LY96: variants seen among roughly 807,000 people sequenced by gnomAD.
The protein encoded by LY96 is myeloid differentiation protein-2.
A neutral mutation model predicts 18.9 loss-of-function variants in LY96; 18 were observed. The ratio of observed to expected loss-of-function variants is 0.95; its 90% CI spans 0.66 to 1.41. LY96 has a LOEUF of 1.41. Ranked by LOEUF, LY96 falls within the 40% of genes most tolerant of loss-of-function variation. The pLI is 0.00. For synonymous variants in LY96, 66 were observed against 62.6 expected (o/e 1.06, Z -0.26); for missense variants, 175 against 182.4 (o/e 0.96, Z 0.23).
At chr8:73,991,890 C>G (rs1360607551) in intron 1 of LY96, among the ~76,000 whole-genome samples, 1 of 151,874 alleles carries the variant, frequency 6.6e-6, no homozygotes. Flanking sequence ...AGCCTTGACA[C>G]TTACTAGTTC....
chr8:74,007,979 C>T (rs1438815353), intron 2 of LY96, among the ~76,000 whole-genome samples: 4 of 152,168 alleles, frequency 2.6e-5, no homozygotes, highest in African/African-American at 7.2e-5. Context: ...AGGATGGTCT[C>T]GAACTCCTGA....
chr8:74,001,412 G>A (rs148462447), intron 1 of LY96, among the ~76,000 whole-genome samples: 1,950 of 151,862 alleles, frequency 0.013, 22 homozygotes, highest in African/African-American at 0.039. Context: ...TATTTTTTGC[G>A]GAGATGGGGT....
chr8:74,088,585 GTATT>G, the LY96 span, among the ~76,000 whole-genome samples: 1 of 151,902 alleles, frequency 6.6e-6, no homozygotes, highest in Non-Finnish European at 1.5e-5. Context: ...ACCCTCCTGA[GTATT>G]TATTTATTTA....
the LY96 span, among the ~76,000 whole-genome samples, chr8:74,090,305 A>G: frequency 1.3e-5 from 2 of 152,198 alleles, no homozygotes; most frequent in Non-Finnish European, 2.9e-5. Context: ...CTGTGATTCT[A>G]TTGCCACACA....
rs572398032 is a variant in LY96, at chr8:73,994,783, G to A, written c.112+3229G>A. ...ATTACAGGCCTGAGCCACTGATTCC[G>A]GGCTACAGTGTCTTAATTAGTTCAG... On this transcript the variant is annotated intron_variant, in intron 1 of 4. Transcript: ENST00000284818. 3.9e-5 allele frequency among the ~76,000 whole-genome samples: 6 copies of A among 152,294 alleles called. No homozygotes were observed. The South Asian group carries it at 8.3e-4, about 21-fold the overall frequency.
chr8:74,051,536 T>A, the LY96 span, among the ~76,000 whole-genome samples: 1 of 152,206 alleles, frequency 6.6e-6, no homozygotes, highest in Non-Finnish European at 1.5e-5. Context: ...ATGGACTGAA[T>A]GTACCCCCAA....
the LY96 span, among the ~76,000 whole-genome samples, chr8:74,077,801 CCTCATTGGTAAAA>C: frequency 6.6e-6 from 1 of 151,704 alleles, no homozygotes; most frequent in Non-Finnish European, 1.5e-5. Context: ...TAAGATAATA[CCTCATTGGTAAAA>C]GAGGTAACAT....
the LY96 span, among the ~76,000 whole-genome samples, chr8:74,083,869 T>C: frequency 6.6e-6 from 1 of 151,830 alleles, no homozygotes. Context: ...TTTTTTTTTT[T>C]AGAGATGGGG....
chr8:74,017,754 C>G (rs1816673905), intron 3 of LY96, among the ~76,000 whole-genome samples: 1 of 152,192 alleles, frequency 6.6e-6, no homozygotes, highest in African/African-American at 2.4e-5. Flanking sequence ...ATTCAACATT[C>G]TTAAAGACAA....
chr8:74,072,549 C>T, the LY96 span, among the ~76,000 whole-genome samples: 6 of 152,036 alleles, frequency 3.9e-5, no homozygotes, highest in African/African-American at 1.4e-4. Flanking sequence ...TTTTGTGTAC[C>T]TTCAGGATTT....
At chr8:74,018,161 C>A (rs1816682451) in intron 3 of LY96, among the ~76,000 whole-genome samples, 1 of 151,728 alleles carries the variant, frequency 6.6e-6, no homozygotes, top group African/African-American at 2.4e-5. Context: ...AGACCCATCT[C>A]ACATGCAGAG....
the LY96 span, among the ~76,000 whole-genome samples, chr8:74,055,204 G>A: frequency 2.6e-5 from 4 of 152,112 alleles, no homozygotes; most frequent in African/African-American, 4.8e-5. Context: ...CACCATACTC[G>A]GCCATCATGT....
intron 1 of LY96, among the ~76,000 whole-genome samples, chr8:73,993,429 C>T (rs1816052316): frequency 6.6e-6 from 1 of 152,104 alleles, no homozygotes. Context: ...GCACATGCCA[C>T]CACACTTGTC....
At chr8:74,009,563 T>C (rs1816487106) in intron 2 of LY96, among the ~76,000 whole-genome samples, 1 of 152,090 alleles carries the variant, frequency 6.6e-6, no homozygotes, top group Non-Finnish European at 1.5e-5. Flanking sequence ...ATACATTTAA[T>C]TTTTCATCAA....
intron 1 of LY96, among the ~76,000 whole-genome samples, chr8:74,001,203 A>C (rs1395026801): frequency 1.3e-5 from 2 of 151,466 alleles, no homozygotes; most frequent in Non-Finnish European, 2.9e-5. Flanking sequence ...CAACAAAGAA[A>C]GCCTCTATCT....
At chr8:74,086,311 T>C in the LY96 span, among the ~76,000 whole-genome samples, 1 of 152,222 alleles carries the variant, frequency 6.6e-6, no homozygotes, top group Non-Finnish European at 1.5e-5. Flanking sequence ...GGAGAACATG[T>C]ACCAGTTTTG....
the LY96 span, among the ~76,000 whole-genome samples, chr8:74,034,119 T>A: frequency 6.6e-6 from 1 of 152,208 alleles, no homozygotes; most frequent in Non-Finnish European, 1.5e-5. Context: ...ACACCTGTAA[T>A]CCCAGCACTT....
chr8:74,088,744 C>A, the LY96 span, among the ~76,000 whole-genome samples: 606 of 152,246 alleles, frequency 4.0e-3, 4 homozygotes, highest in Non-Finnish European at 6.4e-3. Flanking sequence ...TACCACTACA[C>A]CTGGTTAATT....
At chr8:74,086,473 T>C in the LY96 span, among the ~76,000 whole-genome samples, 1 of 152,178 alleles carries the variant, frequency 6.6e-6, no homozygotes, top group Non-Finnish European at 1.5e-5. Context: ...TTCCAATTAA[T>C]CACGAGAATT....
Sources: gnomAD v4.1 joint callset for allele counts (sites outside exome capture counted in the v4.1 genomes callset) on GRCh38, gnomAD v4.1.1 for gene constraint, MANE v1.5 for transcripts, NCBI Gene and HGNC (gene_info 2026-07-23, HGNC 2026-07-21) for gene names.